EYS: variants seen among roughly 807,000 people sequenced by gnomAD.
The protein encoded by EYS is protein eyes shut homolog.
EYS carries 250 observed loss-of-function variants against 282.1 expected under a neutral mutation model. That is an observed-to-expected ratio of 0.89 (90% CI 0.80 to 0.98). The LOEUF is 0.98. Among genes scored for constraint, EYS ranks in the 50% least tolerant of loss-of-function variants. The pLI, the probability that EYS is intolerant of heterozygous loss-of-function variation, is 0.00. For synonymous variants in EYS, 1,355 were observed against 1,282.9 expected, an observed-to-expected ratio of 1.06 and a Z score of -1.20; for missense variants, 4,016 against 3,709.0, an observed-to-expected ratio of 1.08 and a Z score of -2.15.
rs533129888 is a variant in EYS at position 65,248,075 on chromosome 6, A to G, written c.2023+47788T>C. Among the ~76,000 whole-genome samples the G allele has an allele frequency of 1.9e-4, 29 of 152,146 alleles. 1 individual carries two copies. Among genetic ancestry groups the G allele is most frequent in the African/African-American group, 5.1e-4 (21 of 41,546 alleles). ...AAAGAAAGAAAAGCAAAAGATACTCAGATTGTTGTTGGTTTTTTTTCCTCC... is the reference window on the plus strand; with the variant it reads ...AAAGAAAGAAAAGCAAAAGATACTCGGATTGTTGTTGGTTTTTTTTCCTCC... On this transcript the variant is annotated intron_variant, in intron 12 of 42. Coordinates refer to ENST00000503581, the MANE Select transcript of EYS (RefSeq NM_001142800.2).
chr6:65,258,425 A>C lies in EYS; in HGVS notation c.2023+37438T>G, dbSNP rs367758732. On this transcript the variant is annotated intron_variant, in intron 12 of 42. Coordinates refer to ENST00000503581, the MANE Select transcript of EYS (RefSeq NM_001142800.2). ...ATTGTGGGATACAGGATTCCTGTGA[A>C]GTTTTGATTATTGACGTATTTAACA... Among the ~76,000 whole-genome samples, 75 of 152,150 alleles carry C rather than the reference A, an allele frequency of 4.9e-4. 2 individuals are homozygous for C. The East Asian group carries it at 5.8e-3, about 12-fold the overall frequency.
chr6:64,712,936 A>G (rs1176307511), intron 22 of EYS, among the ~76,000 whole-genome samples: 1 of 152,200 alleles, frequency 6.6e-6, no homozygotes, highest in Non-Finnish European at 1.5e-5. Context: ...AAAGCCACAC[A>G]TCAAAACAAC....
intron 19 of EYS, among the ~76,000 whole-genome samples, chr6:64,823,339 AC>A (rs1764954490): frequency 6.6e-6 from 1 of 151,868 alleles, no homozygotes; most frequent in African/African-American, 2.4e-5. Context: ...CCTACCAAGA[AC>A]CACCTCTATG....
chr6:65,474,417 C>T (rs1445653799), intron 5 of EYS, among the ~76,000 whole-genome samples: 1 of 152,050 alleles, frequency 6.6e-6, no homozygotes, highest in Non-Finnish European at 1.5e-5. Context: ...CCCCTTTATC[C>T]TAAATGAGCT....
intron 12 of EYS, among the ~76,000 whole-genome samples, chr6:65,268,932 A>G (rs1264997150): frequency 6.6e-6 from 1 of 152,092 alleles, no homozygotes; most frequent in Non-Finnish European, 1.5e-5. Context: ...AGTAAATTTT[A>G]TTATAATTTT....
intron 26 of EYS, among the ~76,000 whole-genome samples, chr6:64,522,035 C>A (rs1777756713): frequency 6.6e-6 from 1 of 151,672 alleles, no homozygotes; most frequent in Non-Finnish European, 1.5e-5. Flanking sequence ...AGTAAGCAGT[C>A]CTTTATCTCT....
intron 13 of EYS, among the ~76,000 whole-genome samples, chr6:65,019,141 C>A (rs533142917): frequency 6.6e-6 from 1 of 152,004 alleles, no homozygotes; most frequent in African/African-American, 2.4e-5. Context: ...TTAAGATAAA[C>A]CCATTGATAA....
chr6:65,636,177 G>A (rs570008359), intron 2 of EYS, among the ~76,000 whole-genome samples: 45 of 152,220 alleles, frequency 3.0e-4, no homozygotes, highest in Non-Finnish European at 5.6e-4. Context: ...CTGAAAAGAA[G>A]ACAAGGTCAT....
At chr6:65,521,975 G>T (rs557337088) in intron 2 of EYS, among the ~76,000 whole-genome samples, 1 of 151,990 alleles carries the variant, frequency 6.6e-6, no homozygotes, top group East Asian at 1.9e-4. Flanking sequence ...TAATTTTATT[G>T]TTCGGAGTTT....
chr6:64,811,852 G>A (rs1562204464), intron 22 of EYS, among the ~76,000 whole-genome samples: 2 of 152,080 alleles, frequency 1.3e-5, no homozygotes, highest in South Asian at 2.1e-4. Context: ...CTGTTATTCT[G>A]TTATAGCAAC....
intron 41 of EYS, among the ~76,000 whole-genome samples, chr6:63,738,177 G>A (rs1362060362): frequency 6.6e-6 from 1 of 152,178 alleles, no homozygotes; most frequent in Non-Finnish European, 1.5e-5. Flanking sequence ...AAGTCAGTGT[G>A]GAGATTCCTT....
chr6:64,756,270 C>T (rs1341053406), intron 22 of EYS, among the ~76,000 whole-genome samples: 5 of 152,122 alleles, frequency 3.3e-5, no homozygotes, highest in African/African-American at 4.8e-5. Context: ...TTAAAGTTTG[C>T]AGCAGTAGAA....
intron 14 of EYS, among the ~76,000 whole-genome samples, chr6:64,983,741 T>A (rs558222872): frequency 6.6e-6 from 1 of 151,454 alleles, no homozygotes; most frequent in East Asian, 2.0e-4. Flanking sequence ...ATTTTTTTTT[T>A]CTGCTAAGTT....
chr6:64,939,114 T>C (rs990114297), intron 15 of EYS, among the ~76,000 whole-genome samples: 3 of 151,870 alleles, frequency 2.0e-5, no homozygotes, highest in Non-Finnish European at 4.4e-5. Flanking sequence ...CTCATTAATA[T>C]AGCATATTTA....
At chr6:64,180,731 G>T (rs1420690723) in intron 31 of EYS, among the ~76,000 whole-genome samples, 3 of 152,086 alleles carry the variant, frequency 2.0e-5, no homozygotes, top group Admixed American at 1.3e-4. Context: ...GTAACATTGA[G>T]TTGGGTATTA....
intron 28 of EYS, among the ~76,000 whole-genome samples, chr6:64,433,457 T>C (rs1169044218): frequency 6.6e-6 from 1 of 152,032 alleles, no homozygotes; most frequent in African/African-American, 2.4e-5. Context: ...TTAATGGAGC[T>C]TCACTTTTGT....
chr6:65,090,227 C>A (rs1412476353), intron 12 of EYS, among the ~76,000 whole-genome samples: 1 of 152,012 alleles, frequency 6.6e-6, no homozygotes, highest in Non-Finnish European at 1.5e-5. Context: ...GTGGCTTACC[C>A]CTTGCAATTG....
At chr6:63,947,550 A>G (rs2149762357) in intron 35 of EYS, among the ~76,000 whole-genome samples, 1 of 152,234 alleles carries the variant, frequency 6.6e-6, no homozygotes, top group East Asian at 1.9e-4. Context: ...ACTATTAGGA[A>G]TTTACATATA....
chr6:65,040,857 T>G (rs945758735), intron 13 of EYS, among the ~76,000 whole-genome samples: 2 of 151,748 alleles, frequency 1.3e-5, no homozygotes, highest in African/African-American at 4.8e-5. Context: ...GTGGTCATTT[T>G]TAGATATTAT....
Sources: allele counts gnomAD v4.1 joint callset (sites outside exome capture counted in the v4.1 genomes callset), GRCh38; gene constraint gnomAD v4.1.1; transcripts MANE v1.5; gene names NCBI Gene and HGNC (gene_info 2026-07-23, HGNC 2026-07-21).